Variants in ASTN2 observed in about 807,000 individuals in gnomAD.
ASTN2 encodes the protein astrotactin-2.
ASTN2 carries 54 observed loss-of-function variants against 139.8 expected under a neutral mutation model. That is an observed-to-expected ratio of 0.39 (90% CI 0.31 to 0.48). The LOEUF (loss-of-function observed/expected upper bound fraction) is 0.48, where lower values mean the gene tolerates loss of function less well. ASTN2 is among the 20% of genes least tolerant of loss of function. ASTN2 has a pLI of 0.95. For synonymous variants in ASTN2, 756 were observed against 719.5 expected, an observed-to-expected ratio of 1.05 and a Z score of -0.81; for missense variants, 1,565 against 1,725.1, an observed-to-expected ratio of 0.91 and a Z score of 1.64.
At chr9:116,754,338 G>A (rs887379981) in intron 13 of ASTN2, among the ~76,000 whole-genome samples, 1 of 152,176 alleles carries the variant, frequency 6.6e-6, no homozygotes, top group Non-Finnish European at 1.5e-5. Flanking sequence ...TAATGGGATT[G>A]CTGGGTCAAA....
At chr9:116,847,007 C>CAAAAAAAAA (rs11302692) in intron 11 of ASTN2, among the ~76,000 whole-genome samples, 25 of 75,854 alleles carry the variant, frequency 3.3e-4, no homozygotes, top group African/African-American at 7.9e-4. Flanking sequence ...GCTTCATTCT[C>CAAAAAAAAA]AAAAAAAAAA....
intron 19 of ASTN2, among the ~76,000 whole-genome samples, chr9:116,565,375 CTCTCTCTCTCTCCATATATATATATATA>C (rs1467408939): frequency 8.8e-4 from 27 of 30,610 alleles, no homozygotes; most frequent in African/African-American, 4.1e-3. Flanking sequence ...CTCTCTCTCT[CTCTCTCTCTCTCCATATATATATATATA>C]TATATATATA....
intron 4 of ASTN2, among the ~76,000 whole-genome samples, chr9:117,114,357 T>C (rs956643014): frequency 3.2e-4 from 49 of 152,286 alleles, no homozygotes; most frequent in African/African-American, 9.6e-4. Flanking sequence ...ACTTCTCCTC[T>C]GCATTTCAGG....
intron 16 of ASTN2, among the ~76,000 whole-genome samples, chr9:116,720,564 C>G (rs996524576): frequency 6.6e-6 from 1 of 150,620 alleles, no homozygotes. Context: ...CCTCTTTTCT[C>G]TCTCTCTCTC....
intron 7 of ASTN2, among the ~76,000 whole-genome samples, chr9:116,999,556 T>C (rs796305675): frequency 0.086 from 5,650 of 65,534 alleles, 229 homozygotes; most frequent in Non-Finnish European, 0.13. Flanking sequence ...TTCTTTTTTT[T>C]TTTTTTTTTT....
In ASTN2 at chr9:116,462,399, G is replaced by A. The variant is rs778698692; in HGVS notation, c.3498-19846C>T. On this transcript the variant is annotated intron_variant, in intron 20 of 22. Coordinates refer to ENST00000313400, the MANE Select transcript of ASTN2 (RefSeq NM_001365068.1). ...CAAACAGCTTGGCTTCAGAGCCAGG[G>A]CTCTTAACCTTCTGCCATGCTACAT... Among the ~76,000 whole-genome samples the A allele has an allele frequency of 3.7e-4, 56 of 152,162 alleles. 1 individual carries two copies. The highest frequency in any genetic ancestry group is 7.1e-4 in the Non-Finnish European group (48 of 68,036).
chr9:116,976,656 A>T (rs1423568579), intron 8 of ASTN2, 45 bp downstream of exon 8: 1 of 1,556,998 alleles, frequency 6.4e-7, no homozygotes, highest in East Asian at 2.3e-5. Flanking sequence ...AGGAGGTAAA[A>T]GTGGGTCCTG....
At chr9:116,964,219 GTGTGTGTGTGTGT>G (rs1835944968) in intron 10 of ASTN2, among the ~76,000 whole-genome samples, 2 of 77,100 alleles carry the variant, frequency 2.6e-5, no homozygotes, top group Non-Finnish European at 5.1e-5. Flanking sequence ...GCCCTGGGGT[GTGTGTGTGTGTGT>G]GTGTGTGTGT....
intron 1 of ASTN2, among the ~76,000 whole-genome samples, chr9:117,320,709 C>CTG (rs1828298954): frequency 6.6e-6 from 1 of 152,154 alleles, no homozygotes; most frequent in Admixed American, 6.5e-5. Flanking sequence ...GCAGCACTGT[C>CTG]ACATGTGCTA....
chr9:116,857,739 T>C (rs566199623), intron 11 of ASTN2, among the ~76,000 whole-genome samples: 30 of 152,318 alleles, frequency 2.0e-4, no homozygotes, highest in African/African-American at 7.0e-4. Context: ...TCTGTCTCCA[T>C]GCAATGGGTA....
rs537768807 is a variant in ASTN2, at chr9:116,960,953, T to C, written c.1889+14255A>G. ...TCATGAATCTCCCCAGGCTGCCCCA[T>C]TTCAATACAGTTAACTCAGTCCGGT... On this transcript the variant is annotated intron_variant, in intron 10 of 22. Coordinates refer to ENST00000313400, the MANE Select transcript of ASTN2 (RefSeq NM_001365068.1). 4.6e-5 allele frequency among the ~76,000 whole-genome samples: 7 copies of C among 152,192 alleles called. No individual in the cohort carries two copies. In the East Asian group the frequency reaches 1.4e-3, roughly 30 times the overall value.
Position 116,583,389 on chromosome 9 carries a change from ATTAC to A in ASTN2, c.3355+34931_3355+34934del, listed in dbSNP as rs1854026067. ...AGTCTCTGCTTAAAGTTAATTGCTT[ATTAC>A]TTATGTTCCCAATTTAATCCTAAAT... On this transcript the variant is annotated intron_variant, in intron 19 of 22. Transcript: ENST00000313400. 3 of 152,176 alleles carry A rather than the reference ATTAC, an allele frequency of 2.0e-5. No homozygotes were observed. In the East Asian group the frequency reaches 5.8e-4, roughly 29 times the overall value. The allele number at this position is 152,176 out of a possible 1,614,324, so 9.4% of individuals were successfully genotyped here.
chr9:117,012,616 A>G (rs905789981), intron 6 of ASTN2, among the ~76,000 whole-genome samples: 14 of 152,274 alleles, frequency 9.2e-5, no homozygotes, highest in African/African-American at 2.9e-4. Flanking sequence ...TTGTCTTTGG[A>G]TATAAGGGAG....
At chr9:117,362,772 T>G (rs1363479449) in intron 1 of ASTN2, among the ~76,000 whole-genome samples, 1 of 152,112 alleles carries the variant, frequency 6.6e-6, no homozygotes, top group Admixed American at 6.6e-5. Flanking sequence ...CTCCCTCCTT[T>G]GGTGTTGGCT....
intron 13 of ASTN2, among the ~76,000 whole-genome samples, chr9:116,791,032 AAAGAAAGAAAG>A (rs1830538750): frequency 8.2e-6 from 1 of 122,642 alleles, no homozygotes; most frequent in South Asian, 2.9e-4. Context: ...AGAAAGAAAG[AAAGAAAGAAAG>A]AAAAGAAAAG....
At position 117,269,205 on chromosome 9, in the gene ASTN2, C is replaced by T. The variant is rs192226926; in HGVS notation, c.630+22121G>A. On this transcript the variant is annotated intron_variant, in intron 2 of 22. Coordinates refer to ENST00000313400, the MANE Select transcript of ASTN2 (RefSeq NM_001365068.1). ...AAGGTGCTTACATTTCAGCAAAAGA[C>T]GCTAGACCACGGAGTGTGGCATGGG... is the stretch of plus-strand genomic sequence containing the variant. Among the ~76,000 whole-genome samples the T allele has an allele frequency of 3.7e-3, 568 of 152,288 alleles. 2 individuals are homozygous for T. The highest frequency in any genetic ancestry group is 0.01 in the Middle Eastern group (3 of 294).
intron 13 of ASTN2, among the ~76,000 whole-genome samples, chr9:116,805,294 C>T (rs989661616): frequency 6.6e-6 from 1 of 152,066 alleles, no homozygotes; most frequent in African/African-American, 2.4e-5. Flanking sequence ...GAACAGCATG[C>T]ATAAAATACT....
intron 19 of ASTN2, among the ~76,000 whole-genome samples, chr9:116,496,293 G>T (rs1376552261): frequency 6.6e-6 from 1 of 152,180 alleles, no homozygotes; most frequent in Admixed American, 6.6e-5. Flanking sequence ...TATAGTGAGT[G>T]AATGTATCTG....
intron 5 of ASTN2, among the ~76,000 whole-genome samples, chr9:117,056,949 T>G (rs967270033): frequency 1.3e-5 from 2 of 152,202 alleles, no homozygotes; most frequent in African/African-American, 4.8e-5. Context: ...TATCCCCATA[T>G]GTAAAACAGA....
Sources: gnomAD v4.1 joint callset for allele counts (sites outside exome capture counted in the v4.1 genomes callset) on GRCh38, gnomAD v4.1.1 for gene constraint, MANE v1.5 for transcripts, NCBI Gene and HGNC (gene_info 2026-07-23, HGNC 2026-07-21) for gene names.